The following RBM25 variants were observed in gnomAD, a reference collection of about 807,000 sequenced individuals.
RBM25 encodes the protein RNA binding motif protein 25.
RBM25 carries 19 observed loss-of-function variants against 120.7 expected under a neutral mutation model. The ratio of observed to expected loss-of-function variants is 0.16; its 90% CI spans 0.11 to 0.23. RBM25 has a LOEUF of 0.23. RBM25 is among the 10% of genes least tolerant of loss of function. The pLI is 1.00. For synonymous variants in RBM25, 390 were observed against 326.7 expected (o/e 1.19, Z -2.09); for missense variants, 605 against 1,041.5 (o/e 0.58, Z 5.77).
intron 2 of RBM25, among the ~76,000 whole-genome samples, chr14:73,074,693 ATTTC>A (rs929334027): frequency 2.0e-5 from 3 of 150,612 alleles, no homozygotes; most frequent in Non-Finnish European, 3.0e-5. Flanking sequence ...AAGATTTTAA[ATTTC>A]TTTGATTTTT....
At chr14:73,116,013 C>T (rs990746967) in intron 18 of RBM25, among the ~76,000 whole-genome samples, 77 of 151,824 alleles carry the variant, frequency 5.1e-4, no homozygotes, top group African/African-American at 1.8e-3. Context: ...TAGATACTTG[C>T]CAGATAGCTG....
intron 6 of RBM25, among the ~76,000 whole-genome samples, chr14:73,096,397 G>T (rs1029358863): frequency 4.6e-5 from 7 of 152,136 alleles, no homozygotes; most frequent in Non-Finnish European, 8.8e-5. Context: ...AAGCAAATAG[G>T]AAATAAGCCA....
intron 5 of RBM25, among the ~76,000 whole-genome samples, chr14:73,084,505 C>G (rs749312243): frequency 2.8e-4 from 42 of 152,072 alleles, no homozygotes; most frequent in Admixed American, 5.9e-4. Context: ...GTAAAGTGGT[C>G]AGTAGTTGTA....
At chr14:73,115,797 G>A (rs1355835571) in intron 18 of RBM25, among the ~76,000 whole-genome samples, 1 of 152,210 alleles carries the variant, frequency 6.6e-6, no homozygotes, top group Non-Finnish European at 1.5e-5. Flanking sequence ...TTCCAGTGAA[G>A]TTGTGGAAGG....
intron 1 of RBM25, among the ~76,000 whole-genome samples, chr14:73,070,457 T>G (rs1406463042): frequency 2.0e-5 from 3 of 152,014 alleles, no homozygotes; most frequent in Non-Finnish European, 4.4e-5. Flanking sequence ...AAAAAAACTA[T>G]GACTTTTTTT....
chr14:73,087,641 C>T (rs535151326), intron 5 of RBM25, among the ~76,000 whole-genome samples: 65 of 151,254 alleles, frequency 4.3e-4, no homozygotes, highest in African/African-American at 1.5e-3. Context: ...GTGATCCACC[C>T]GCCTCGGCCT....
At chr14:73,103,504 T>C in intron 10 of RBM25, 26 bp downstream of exon 10, 2 of 1,540,626 alleles carry the variant, frequency 1.3e-6, no homozygotes, top group Non-Finnish European at 1.7e-6. Flanking sequence ...AGTTACTGTT[T>C]CCTGATAGCT....
chr14:73,110,765 T>C (rs749157100), intron 14 of RBM25, 66 bp from the exon 15 acceptor site: 55 of 1,523,036 alleles, frequency 3.6e-5, no homozygotes, highest in Non-Finnish European at 4.7e-5. Flanking sequence ...CAAGAGGTAA[T>C]GTAAAACAAA....
intron 1 of RBM25, among the ~76,000 whole-genome samples, chr14:73,065,707 CTCACCCA>C: frequency 6.6e-6 from 1 of 151,962 alleles, no homozygotes; most frequent in African/African-American, 2.4e-5. Flanking sequence ...CATGAGCCAC[CTCACCCA>C]GCCCAGTGTT....
rs138759219 is a variant in RBM25 at position 73,068,216 on chromosome 14, T to C, written c.-15-3411T>C. ...CCTTGTTTTGGAACAAATGTTTCCA[T>C]TGATACAGATGAGAAATGCCTCTTT... On this transcript the variant is annotated intron_variant, in intron 1 of 18. Coordinates refer to ENST00000261973, the MANE Select transcript of RBM25 (RefSeq NM_021239.3). 4.2e-4 allele frequency: 358 copies of C among 860,666 alleles called. No individual in the cohort carries two copies. In the African/African-American group the frequency reaches 5.5e-3, roughly 13 times the overall value. 53.3% of individuals were successfully genotyped at this position (860,666 alleles called of 1,614,324 possible).
At chr14:73,069,917 A>C (rs74554433) in intron 1 of RBM25, 1 of 147,844 alleles carries the variant, frequency 6.8e-6, no homozygotes, top group African/African-American at 2.5e-5. Flanking sequence ...AGTTGGGACC[A>C]TAGGTATGCA....
At chr14:73,076,389 G>A in intron 3 of RBM25, 21 bp downstream of exon 3, 1 of 1,592,740 alleles carries the variant, frequency 6.3e-7, no homozygotes, top group Admixed American at 1.7e-5. Context: ...CTTAAAGGAG[G>A]AATCATGAGT....
Position 73,114,338 on chromosome 14 carries a change from G to A in RBM25, c.2439+5G>A. On this transcript the variant is annotated splice_donor_5th_base_variant and intron_variant, in intron 18 of 18. Coordinates refer to ENST00000261973, the MANE Select transcript of RBM25 (RefSeq NM_021239.3). Reference sequence around the variant, plus strand: ...ATTTTAGATGATGTTGCCATGGTAAGTTAGAAATTCACTATTTTTATTTCT... The same window carrying A: ...ATTTTAGATGATGTTGCCATGGTAAATTAGAAATTCACTATTTTTATTTCT... 6.4e-7 allele frequency: 1 copy of A among 1,557,610 alleles called. No homozygotes were observed. The highest frequency in any genetic ancestry group is 8.7e-7 in the Non-Finnish European group (1 of 1,150,398).
chr14:73,066,300 C>T (rs1216987430), intron 1 of RBM25, among the ~76,000 whole-genome samples: 1 of 152,144 alleles, frequency 6.6e-6, no homozygotes, highest in African/African-American at 2.4e-5. Flanking sequence ...AACCTACCTA[C>T]TGTTTAAAAC....
intron 14 of RBM25, 28 bp downstream of exon 14, chr14:73,109,520 G>A (rs780601556): frequency 3.8e-6 from 6 of 1,597,328 alleles, no homozygotes; most frequent in South Asian, 1.1e-5. Context: ...CTGGTCGGGC[G>A]CGGTGGCTCA....
At position 73,096,941 on chromosome 14, in the gene RBM25, T is replaced by C; in HGVS notation, c.570T>C (p.Asn190=). The part of the protein sequence containing the change: ...NGNARPETVT[N]DDEEALDEET... The stretch of plus-strand genomic sequence containing the variant: ...ATGCAAGGCCAGAAACTGTCACTAA[T>C]GACGATGAAGAAGCCTTGGATGAAG... The change falls in exon 7 of 19, where the codon AAT becomes AAC. Residue 190 remains asparagine (N), a synonymous_variant. Transcript: ENST00000261973. 1 of 1,613,006 alleles carries C rather than the reference T, an allele frequency of 6.2e-7. No homozygotes were observed. Among genetic ancestry groups the C allele is most frequent in the South Asian group, 1.1e-5 (1 of 90,692 alleles).
intron 1 of RBM25, among the ~76,000 whole-genome samples, chr14:73,065,376 C>T (rs867764891): frequency 1.3e-5 from 2 of 151,940 alleles, no homozygotes; most frequent in South Asian, 2.1e-4. Context: ...GATCGGTCTG[C>T]CTCGGCCTCC....
chr14:73,077,068 G>A (rs557543786), intron 3 of RBM25, among the ~76,000 whole-genome samples: 4 of 152,316 alleles, frequency 2.6e-5, no homozygotes, highest in Admixed American at 6.5e-5. Context: ...GCGACAGAGC[G>A]AAATTCCGTT....
chr14:73,071,965 G>T (rs1247105131), intron 2 of RBM25, among the ~76,000 whole-genome samples: 1 of 151,392 alleles, frequency 6.6e-6, no homozygotes, highest in African/African-American at 2.4e-5. Flanking sequence ...CATCTGGAAA[G>T]TTTTTAAAAA....
Sources: gnomAD v4.1 joint callset for allele counts (sites outside exome capture counted in the v4.1 genomes callset) on GRCh38, gnomAD v4.1.1 for gene constraint, MANE v1.5 for transcripts, NCBI Gene and HGNC (gene_info 2026-07-23, HGNC 2026-07-21) for gene names.